Variants in IQSEC1 observed in about 807,000 individuals in gnomAD.
IQSEC1 encodes IQ motif and Sec7 domain ArfGEF 1.
Under a neutral mutation model 91.0 loss-of-function variants are expected in IQSEC1, and 31 were observed. That is an observed-to-expected ratio of 0.34 (90% CI 0.26 to 0.46). The LOEUF is 0.46. IQSEC1 is among the 20% of genes least tolerant of loss of function. The pLI, the probability that IQSEC1 is intolerant of heterozygous loss-of-function variation, is 1.00. For missense variants in IQSEC1, 1,388 were observed against 1,575.6 expected, an observed-to-expected ratio of 0.88 and a Z score of 2.02; for synonymous variants, 699 against 662.6, an observed-to-expected ratio of 1.05 and a Z score of -0.84.
At chr3:13,276,932 G>A (rs565065981) in intron 1 of IQSEC1, among the ~76,000 whole-genome samples, 8 of 151,982 alleles carry the variant, frequency 5.3e-5, no homozygotes, top group Middle Eastern at 3.4e-3. Flanking sequence ...TGGCCCCACC[G>A]CAGCCTCTGC....
intron 1 of IQSEC1, among the ~76,000 whole-genome samples, chr3:13,037,343 G>T (rs1352531755): frequency 6.6e-6 from 1 of 152,212 alleles, no homozygotes; most frequent in Non-Finnish European, 1.5e-5. Context: ...GGGCAAGGGT[G>T]CTTACTGCAT....
At chr3:12,989,199 G>A (rs892410735) in intron 1 of IQSEC1, among the ~76,000 whole-genome samples, 4 of 152,184 alleles carry the variant, frequency 2.6e-5, no homozygotes, top group African/African-American at 7.2e-5. Flanking sequence ...AAAAGCTCCC[G>A]GAGGGCATGG....
intron 1 of IQSEC1, among the ~76,000 whole-genome samples, chr3:13,224,826 C>T (rs1028449255): frequency 6.6e-6 from 1 of 152,246 alleles, no homozygotes; most frequent in African/African-American, 2.4e-5. Flanking sequence ...GGTATGGGAG[C>T]TGCCCTGGCT....
At chr3:12,913,670 T>TA (rs992094086) in intron 8 of IQSEC1, 117 bp from the exon 9 acceptor site, 9 of 982,184 alleles carry the variant, frequency 9.2e-6, no homozygotes, top group Non-Finnish European at 1.3e-5. Flanking sequence ...GGCCTTGAGT[T>TA]AAAAAATGCC....
Position 12,979,506 on chromosome 3 carries a change from A to G in IQSEC1, c.24-37641T>C, listed in dbSNP as rs183868054. Among the ~76,000 whole-genome samples the G allele has an allele frequency of 2.1e-3, 313 of 152,330 alleles. No individual in the cohort carries two copies. Among genetic ancestry groups the G allele is most frequent in the Non-Finnish European group, 3.8e-3 (259 of 68,020 alleles). On this transcript the variant is annotated intron_variant, in intron 1 of 13. Coordinates refer to ENST00000613206, the MANE Select transcript of IQSEC1 (RefSeq NM_001134382.3). The surrounding 1 kb of genome is among the most constrained non-coding windows in gnomAD (Gnocchi z 4.3). ...GCGGACACATGCACGCAGCACGCGC[A>G]CACACACACTCTAAGATGTCCCTGG...
chr3:12,945,662 G>C (rs563939038), intron 1 of IQSEC1, among the ~76,000 whole-genome samples: 1 of 152,278 alleles, frequency 6.6e-6, no homozygotes, highest in African/African-American at 2.4e-5. Context: ...GCACAGTGTG[G>C]AATTTTCCAC....
chr3:12,974,399 C>T (rs1701056934), intron 1 of IQSEC1, among the ~76,000 whole-genome samples: 1 of 152,222 alleles, frequency 6.6e-6, no homozygotes, highest in South Asian at 2.1e-4. Context: ...TTGCCGCATC[C>T]CTCATCAGTC....
Position 13,249,470 on chromosome 3 carries a change from C to T in IQSEC1, c.272+33241G>A, listed in dbSNP as rs1695159309. On this transcript the variant is annotated intron_variant, in intron 1 of 15. Coordinates refer to the IQSEC1 transcript ENST00000648114. Reference sequence around the variant, plus strand: ...TACAAGCGTGAGCCACCTTGCCTGGCCCTTTGGGGGAATTTCTTATGGCTT... The same window carrying T: ...TACAAGCGTGAGCCACCTTGCCTGGTCCTTTGGGGGAATTTCTTATGGCTT... Among the ~76,000 whole-genome samples the T allele has an allele frequency of 1.3e-5, 2 of 151,798 alleles. 1 individual carries two copies. The highest frequency in any genetic ancestry group is 4.2e-4 in the South Asian group (2 of 4,818).
At chr3:13,048,279 A>G (rs360898) in intron 1 of IQSEC1, among the ~76,000 whole-genome samples, 111,447 of 152,222 alleles carry the variant, frequency 0.73, 41,340 homozygotes, top group South Asian at 0.87. Flanking sequence ...CACACCTCAC[A>G]TTCTGTGTCT....
At chr3:12,920,396 A>C (rs765114516) in intron 6 of IQSEC1, 34 bp downstream of exon 6, 2 of 1,607,730 alleles carry the variant, frequency 1.2e-6, no homozygotes, top group Non-Finnish European at 1.7e-6. Flanking sequence ...GCTGGAGCAA[A>C]TCTGTGGCTG....
At position 12,922,429 on chromosome 3, in the gene IQSEC1, G is replaced by A. The variant is rs1696718547; in HGVS notation, c.1731-187C>T. Among the ~76,000 whole-genome samples, 2 of 152,330 alleles carry A rather than the reference G, an allele frequency of 1.3e-5. No homozygotes were observed. Among genetic ancestry groups the A allele is most frequent in the South Asian group, 4.1e-4 (2 of 4,826 alleles). ...AGCAAAAAGACCTCCAGTCTTCTGG[G>A]GAGCCCACAAAGCCCCTGGAACTGT... On this transcript the variant is annotated intron_variant, in intron 4 of 13. Transcript: ENST00000613206. The surrounding 1 kb of genome is among the most constrained non-coding windows in gnomAD (Gnocchi z 5.1).
chr3:13,140,849 C>T (rs1706788865), intron 2 of IQSEC1, among the ~76,000 whole-genome samples: 1 of 152,178 alleles, frequency 6.6e-6, no homozygotes, highest in Non-Finnish European at 1.5e-5. Context: ...AGAGCAGGCT[C>T]TACTGGACCT....
chr3:12,984,841 T>TC (rs1367042080), intron 1 of IQSEC1, among the ~76,000 whole-genome samples: 7 of 142,608 alleles, frequency 4.9e-5, no homozygotes, highest in African/African-American at 1.9e-4. Flanking sequence ...TTTTTTTTTT[T>TC]TGAGACGGAG....
chr3:12,907,163 A>T (rs1695069289), intron 12 of IQSEC1, among the ~76,000 whole-genome samples: 1 of 152,186 alleles, frequency 6.6e-6, no homozygotes, highest in Non-Finnish European at 1.5e-5. Flanking sequence ...CCTGGGTTCA[A>T]CCCTCATGCT....
chr3:13,050,908 C>T (rs1463050723), intron 1 of IQSEC1, among the ~76,000 whole-genome samples: 4 of 152,100 alleles, frequency 2.6e-5, no homozygotes, highest in Non-Finnish European at 5.9e-5. Flanking sequence ...TTAACATGCA[C>T]ACATATTTTT....
At chr3:13,198,377 G>T in intron 1 of IQSEC1, among the ~76,000 whole-genome samples, 1 of 152,100 alleles carries the variant, frequency 6.6e-6, no homozygotes, top group Non-Finnish European at 1.5e-5. Context: ...GAGGTTCTGG[G>T]TGGCTCATCT....
At chr3:12,956,047 T>C (rs975139743) in intron 1 of IQSEC1, among the ~76,000 whole-genome samples, 5 of 152,238 alleles carry the variant, frequency 3.3e-5, no homozygotes, top group Admixed American at 6.5e-5. Context: ...CGGACTCATC[T>C]TGGGGACCTG....
intron 1 of IQSEC1, among the ~76,000 whole-genome samples, chr3:13,054,584 A>G (rs1381906819): frequency 2.6e-5 from 4 of 152,210 alleles, no homozygotes; most frequent in Non-Finnish European, 4.4e-5. Context: ...AAGGGAGCCT[A>G]ACAGCGATGC....
intron 1 of IQSEC1, among the ~76,000 whole-genome samples, chr3:13,223,960 C>T (rs1269370705): frequency 2.6e-5 from 4 of 152,132 alleles, no homozygotes; most frequent in Non-Finnish European, 1.5e-5. Flanking sequence ...AGCAGTGCCT[C>T]GGAGCCAGGC....
Sources: allele counts gnomAD v4.1 joint callset (sites outside exome capture counted in the v4.1 genomes callset), GRCh38; gene constraint gnomAD v4.1.1; non-coding constraint Gnocchi (gnomAD v3.1); transcripts MANE v1.5; gene names NCBI Gene and HGNC (gene_info 2026-07-23, HGNC 2026-07-21).